Variants in MEMO1 observed in about 807,000 individuals in gnomAD.
MEMO1 encodes the protein mediator of cell motility 1.
A neutral mutation model predicts 45.2 loss-of-function variants in MEMO1; 6 were observed. The ratio of observed to expected loss-of-function variants is 0.13; its 90% CI spans 0.07 to 0.26. The LOEUF (loss-of-function observed/expected upper bound fraction) is 0.26, where lower values mean the gene tolerates loss of function less well. Ranked by LOEUF, MEMO1 falls within the 10% of genes least tolerant of loss-of-function variation. The probability of loss-of-function intolerance (pLI) is 1.00; values close to 1 mark genes in which losing one functional copy is unlikely to be tolerated. For missense variants in MEMO1, 184 were observed against 370.5 expected, an observed-to-expected ratio of 0.50 and a Z score of 4.13; for synonymous variants, 78 against 124.3, an observed-to-expected ratio of 0.63 and a Z score of 2.48.
intron 4 of MEMO1, among the ~76,000 whole-genome samples, chr2:31,931,806 TC>T (rs1664209350): frequency 6.6e-6 from 1 of 151,922 alleles, no homozygotes; most frequent in African/African-American, 2.4e-5. Flanking sequence ...CAAAGAAATA[TC>T]AAAAAACAAA....
At chr2:31,902,756 T>G (rs1558489901) in intron 6 of MEMO1, among the ~76,000 whole-genome samples, 2 of 149,148 alleles carry the variant, frequency 1.3e-5, no homozygotes, top group Non-Finnish European at 1.5e-5. Flanking sequence ...GTTTGTTTTG[T>G]TTTTTTTTGT....
At chr2:31,901,627 C>CCAGGCATG (rs1344609743) in intron 6 of MEMO1, among the ~76,000 whole-genome samples, 2 of 152,014 alleles carry the variant, frequency 1.3e-5, no homozygotes, top group Non-Finnish European at 2.9e-5. Flanking sequence ...CATGTTCTGG[C>CCAGGCATG]CAGGCATGGT....
Position 31,975,646 on chromosome 2 carries a change from C to T in MEMO1, c.62-32263G>A, listed in dbSNP as rs554413430. On this transcript the variant is annotated intron_variant, in intron 2 of 9. Transcript: ENST00000404530. The stretch of plus-strand genomic sequence containing the variant: ...TAAGAAAGGAGTCTAAACTCTGATA[C>T]ATTTAAATGTGGCAAAAATCAAAAA... Among the ~76,000 whole-genome samples the T allele has an allele frequency of 5.9e-5, 9 of 152,246 alleles. No homozygotes were observed. The South Asian group carries it at 1.9e-3, about 32-fold the overall frequency.
rs961036255 is a variant in MEMO1, at chr2:32,010,140, G to A, written c.61+47C>T. On this transcript the variant is annotated intron_variant, in intron 2 of 9. Transcript: ENST00000404530. ...GCCGACCTCGGCCGGCCGGGCGTGG[G>A]GCCAGGCGGCGACGGCGGCGGGCGG... The A allele has an allele frequency of 4.6e-6, 5 of 1,097,686 alleles. No homozygotes were observed. In the African/African-American group the frequency reaches 5.0e-5, roughly 11 times the overall value. 68.0% of individuals were successfully genotyped at this position (1,097,686 alleles called of 1,614,324 possible).
chr2:31,922,356 A>G (rs887260617), intron 4 of MEMO1, among the ~76,000 whole-genome samples: 3 of 151,974 alleles, frequency 2.0e-5, no homozygotes, highest in African/African-American at 7.2e-5. Flanking sequence ...AAAAAAAAAA[A>G]AAAGAAAGTT....
intron 4 of MEMO1, among the ~76,000 whole-genome samples, chr2:31,921,568 T>C (rs573967743): frequency 3.3e-5 from 5 of 152,326 alleles, no homozygotes; most frequent in African/African-American, 1.2e-4. Flanking sequence ...CTGTATTTTA[T>C]TAAATGGATT....
At chr2:31,941,606 T>C (rs1480586032) in intron 3 of MEMO1, among the ~76,000 whole-genome samples, 1 of 152,254 alleles carries the variant, frequency 6.6e-6, no homozygotes, top group Admixed American at 6.5e-5. Context: ...GCCTGGTATG[T>C]AAATGACTAA....
chr2:31,993,619 G>A (rs571084624), intron 2 of MEMO1, among the ~76,000 whole-genome samples: 5 of 152,254 alleles, frequency 3.3e-5, no homozygotes, highest in African/African-American at 1.2e-4. Flanking sequence ...GTTCACTCAG[G>A]TTTTTGGTTT....
At position 31,943,429 on chromosome 2, in the gene MEMO1, T is replaced by C. The variant is rs768094862; in HGVS notation, c.62-46A>G. The C allele has an allele frequency of 8.0e-6, 11 of 1,375,948 alleles. No individual in the cohort carries two copies. The African/African-American group carries it at 1.4e-4, about 18-fold the overall frequency. 85.2% of individuals were successfully genotyped at this position (1,375,948 alleles called of 1,614,324 possible). ...AATTAGAGTCAGCAAAGCAATGTAC[T>C]ACAGATAAACATATGTGGCATAAAG... On this transcript the variant is annotated intron_variant, in intron 2 of 9. Coordinates refer to ENST00000404530, the MANE Select transcript of MEMO1 (RefSeq NM_001301833.4).
chr2:31,938,625 G>T (rs1244354950), intron 3 of MEMO1, among the ~76,000 whole-genome samples: 3 of 151,866 alleles, frequency 2.0e-5, no homozygotes, highest in Non-Finnish European at 2.9e-5. Flanking sequence ...TCCAGCCTGG[G>T]TGACAGAGTG....
rs12328661 is a variant in MEMO1, at chr2:31,928,416, A to G, written c.212+3651T>C. Reference sequence around the variant, plus strand: ...AAATTAGCCAGGCCTGCCTGGTGGCATACGCTTGTAATCCCAGCTACTTGG... The same window carrying G: ...AAATTAGCCAGGCCTGCCTGGTGGCGTACGCTTGTAATCCCAGCTACTTGG... On this transcript the variant is annotated intron_variant, in intron 4 of 9. Coordinates refer to ENST00000404530, the MANE Select transcript of MEMO1 (RefSeq NM_001301833.4). 8.4e-3 allele frequency among the ~76,000 whole-genome samples: 1,275 copies of G among 152,210 alleles called. 18 individuals are homozygous for G. Among genetic ancestry groups the G allele is most frequent in the Non-Finnish European group, 0.013 (861 of 67,986 alleles).
intron 2 of MEMO1, among the ~76,000 whole-genome samples, chr2:32,006,928 G>A (rs1427023718): frequency 1.5e-5 from 2 of 129,704 alleles, no homozygotes; most frequent in Non-Finnish European, 3.1e-5. Flanking sequence ...TCGTGCCATT[G>A]CACTCCACCC....
chr2:31,933,348 A>ATAT lies in MEMO1; in HGVS notation c.144-1214_144-1213insATA, dbSNP rs869203385. Among the ~76,000 whole-genome samples the ATAT allele has an allele frequency of 1.1e-3, 18 of 16,174 alleles. 1 individual carries two copies. Among genetic ancestry groups the ATAT allele is most frequent in the African/African-American group, 3.2e-3 (13 of 4,108 alleles). The allele number at this position is 16,174 out of a possible 152,430, so 10.6% of individuals were successfully genotyped here. ...AAAAAAAAAAAAAAAAAAAAAAAAA[A>ATAT]ATTTATATATATATATATATATATA... On this transcript the variant is annotated intron_variant, in intron 3 of 9. Transcript: ENST00000404530.
intron 5 of MEMO1, among the ~76,000 whole-genome samples, chr2:31,920,206 T>A (rs993743520): frequency 1.3e-5 from 2 of 151,960 alleles, no homozygotes; most frequent in African/African-American, 4.8e-5. Flanking sequence ...ATCAAAAGAT[T>A]TTTACTTTAT....
At position 31,929,266 on chromosome 2, in the gene MEMO1, T is replaced by A. The variant is rs560063131; in HGVS notation, c.212+2801A>T. ...ATTTCAGTTAATATTCTTTGATGAT[T>A]TAGCCTCTAAGTACTATGATTTTTA... is the stretch of plus-strand genomic sequence containing the variant. On this transcript the variant is annotated intron_variant, in intron 4 of 9. Transcript: ENST00000404530. 2.9e-3 allele frequency among the ~76,000 whole-genome samples: 449 copies of A among 152,298 alleles called. 1 individual carries two copies. Among genetic ancestry groups the A allele is most frequent in the African/African-American group, 0.01 (427 of 41,578 alleles).
At chr2:31,992,713 G>A (rs1445557563) in intron 2 of MEMO1, among the ~76,000 whole-genome samples, 1 of 152,206 alleles carries the variant, frequency 6.6e-6, no homozygotes, top group African/African-American at 2.4e-5. Context: ...GAACCCAGGA[G>A]ATGGAGGGTG....
At chr2:31,939,221 G>A (rs936231193) in intron 3 of MEMO1, among the ~76,000 whole-genome samples, 2 of 151,658 alleles carry the variant, frequency 1.3e-5, no homozygotes, top group Non-Finnish European at 2.9e-5. Context: ...AATAGAAATT[G>A]CCTATGAATG....
chr2:31,929,158 T>C (rs1683562800), intron 4 of MEMO1, among the ~76,000 whole-genome samples: 1 of 152,184 alleles, frequency 6.6e-6, no homozygotes, highest in Non-Finnish European at 1.5e-5. Context: ...AATTGGTACC[T>C]CACTACTGTT....
intron 4 of MEMO1, among the ~76,000 whole-genome samples, chr2:31,926,958 A>C (rs1456839054): frequency 2.6e-5 from 4 of 152,254 alleles, no homozygotes; most frequent in African/African-American, 9.6e-5. Context: ...AAAATTTTCC[A>C]AATGCTCCAC....
Sources: allele counts gnomAD v4.1 joint callset (sites outside exome capture counted in the v4.1 genomes callset), GRCh38; gene constraint gnomAD v4.1.1; transcripts MANE v1.5; gene names NCBI Gene and HGNC (gene_info 2026-07-23, HGNC 2026-07-21).